The following SGPP2 variants were observed in gnomAD, a reference collection of about 807,000 sequenced individuals.
SGPP2 encodes sphingosine-1-phosphate phosphatase 2.
In SGPP2, 30 loss-of-function variants were observed where a neutral mutation model predicts 33.9. The observed-to-expected ratio is 0.89, with a 90% CI of 0.66 to 1.20. SGPP2 has a LOEUF of 1.20. Ranked by LOEUF, SGPP2 falls within the 50% of genes most tolerant of loss-of-function variation. The pLI is 0.00. For missense variants in SGPP2, 458 were observed against 532.1 expected, an observed-to-expected ratio of 0.86 and a Z score of 1.37; for synonymous variants, 233 against 225.0, an observed-to-expected ratio of 1.04 and a Z score of -0.32.
In SGPP2 at chr2:222,559,085, G is replaced by A. The variant is rs34723441; in HGVS notation, c.*187G>A. On this transcript the variant is annotated 3_prime_UTR_variant, in exon 5 of 5. Coordinates refer to ENST00000321276, the MANE Select transcript of SGPP2 (RefSeq NM_152386.4). ...AACTGTCTCATAGCGGTCATTGGTC[G>A]TCCGTGGTGGTTGGTTGTGCTACAG... 206,501 of 581,198 alleles carry A rather than the reference G, an allele frequency of 0.36. 39,103 individuals are homozygous for A. Among genetic ancestry groups the A allele is most frequent in the South Asian group, 0.48 (19,488 of 40,802 alleles). The allele number at this position is 581,198 out of a possible 1,614,324, so 36.0% of individuals were successfully genotyped here. A position where few individuals can be genotyped will look rare whatever the true frequency, so the allele number is the denominator to read the frequency against.
intron 4 of SGPP2, among the ~76,000 whole-genome samples, chr2:222,540,817 G>GTTTTTTT (rs750932260): frequency 1.8e-5 from 2 of 108,426 alleles, no homozygotes; most frequent in Admixed American, 2.2e-4. Flanking sequence ...CTTATAAACT[G>GTTTTTTT]TTTTTTTTTT....
chr2:222,448,094 C>T (rs978347438), intron 1 of SGPP2, among the ~76,000 whole-genome samples: 4 of 152,086 alleles, frequency 2.6e-5, no homozygotes, highest in African/African-American at 4.8e-5. Context: ...GGTTGGACTC[C>T]GAAGCACATG....
At position 222,559,026 on chromosome 2, in the gene SGPP2, T is replaced by C; in HGVS notation, c.*128T>C. ...AAAAGTCATACGGCTGTCTTGCTACTACCAGATAAATGATGCTGCTGTGTG... is the reference window on the plus strand; with the variant it reads ...AAAAGTCATACGGCTGTCTTGCTACCACCAGATAAATGATGCTGCTGTGTG... On this transcript the variant is annotated 3_prime_UTR_variant, in exon 5 of 5. Coordinates refer to ENST00000321276, the MANE Select transcript of SGPP2 (RefSeq NM_152386.4). 4.8e-6 allele frequency: 4 copies of C among 839,336 alleles called. No individual in the cohort carries two copies. 52.0% of individuals were successfully genotyped at this position (839,336 alleles called of 1,614,324 possible). A position where few individuals can be genotyped will look rare whatever the true frequency, so the allele number is the denominator to read the frequency against.
At chr2:222,431,511 C>T (rs984992621) in intron 1 of SGPP2, among the ~76,000 whole-genome samples, 1 of 152,008 alleles carries the variant, frequency 6.6e-6, no homozygotes, top group African/African-American at 2.4e-5. Flanking sequence ...CCCCCCGCCC[C>T]CCGCTCGAAG....
intron 4 of SGPP2, among the ~76,000 whole-genome samples, chr2:222,533,667 C>T (rs531593621): frequency 7.9e-5 from 12 of 152,202 alleles, no homozygotes; most frequent in Non-Finnish European, 1.3e-4. Flanking sequence ...GAGAGTGGGA[C>T]CCCAGGCCTT....
intron 2 of SGPP2, among the ~76,000 whole-genome samples, chr2:222,483,861 T>C (rs1175760098): frequency 6.6e-6 from 1 of 152,200 alleles, no homozygotes; most frequent in Non-Finnish European, 1.5e-5. Flanking sequence ...TTGCCCTGCT[T>C]GTTAAGTTGG....
intron 2 of SGPP2, among the ~76,000 whole-genome samples, chr2:222,480,408 T>C (rs932617398): frequency 6.6e-5 from 10 of 152,150 alleles, no homozygotes; most frequent in African/African-American, 2.4e-4. Context: ...TAATGAGATG[T>C]AGAAAAAATG....
rs200647885 is a variant in SGPP2, at chr2:222,484,583, C to A, written c.378+9857C>A. On this transcript the variant is annotated intron_variant, in intron 2 of 4. Coordinates refer to ENST00000321276, the MANE Select transcript of SGPP2 (RefSeq NM_152386.4). ...TTCATCCTTCTTCCCTCCTTTTGGA[C>A]TTATGCCAGCTGTAATGTCTTACCG... 5.9e-5 allele frequency among the ~76,000 whole-genome samples: 9 copies of A among 152,306 alleles called. No homozygotes were observed. The East Asian group carries it at 1.7e-3, about 29-fold the overall frequency.
intron 2 of SGPP2, among the ~76,000 whole-genome samples, chr2:222,495,377 G>A (rs1373355091): frequency 6.6e-6 from 1 of 152,092 alleles, no homozygotes; most frequent in Non-Finnish European, 1.5e-5. Flanking sequence ...TCATGCCACT[G>A]TACTCCAGCC....
At chr2:222,455,259 G>A (rs1424550343) in intron 1 of SGPP2, among the ~76,000 whole-genome samples, 3 of 151,848 alleles carry the variant, frequency 2.0e-5, no homozygotes, top group Non-Finnish European at 4.4e-5. Context: ...TGGGCTACAA[G>A]CTATGAAGAA....
intron 1 of SGPP2, 88 bp from the exon 2 acceptor site, chr2:222,474,480 C>A: frequency 8.3e-7 from 1 of 1,203,698 alleles, no homozygotes; most frequent in Non-Finnish European, 1.2e-6. Flanking sequence ...AGCGTCTTGG[C>A]AATTGAGACC....
At chr2:222,520,172 G>A (rs1698661625) in intron 2 of SGPP2, among the ~76,000 whole-genome samples, 1 of 152,120 alleles carries the variant, frequency 6.6e-6, no homozygotes, top group African/African-American at 2.4e-5. Context: ...AGCCTCACCA[G>A]CATCTTTTGT....
upstream of SGPP2, among the ~76,000 whole-genome samples, chr2:222,424,041 G>T (rs117596762): frequency 4.2e-3 from 638 of 152,206 alleles, 14 homozygotes; most frequent in East Asian, 0.067. Flanking sequence ...CTCCCTGGGG[G>T]GCTCGCTGTA....
intron 1 of SGPP2, among the ~76,000 whole-genome samples, chr2:222,466,225 C>T (rs1423557087): frequency 1.3e-5 from 2 of 149,558 alleles, no homozygotes; most frequent in Admixed American, 1.3e-4. Context: ...GACATGGCCC[C>T]TGTTTGGAAA....
At chr2:222,554,972 C>G (rs1274252645) in intron 4 of SGPP2, among the ~76,000 whole-genome samples, 2 of 152,168 alleles carry the variant, frequency 1.3e-5, no homozygotes, top group Non-Finnish European at 2.9e-5. Flanking sequence ...GTTGCATCAT[C>G]CTCAAGCCTC....
At chr2:222,515,619 G>A (rs527877915) in intron 2 of SGPP2, among the ~76,000 whole-genome samples, 9 of 151,578 alleles carry the variant, frequency 5.9e-5, no homozygotes, top group Non-Finnish European at 1.0e-4. Context: ...GTGAGCCACC[G>A]TGCCCAGCCT....
intron 2 of SGPP2, chr2:222,503,913 C>T (rs1698404037): frequency 6.6e-6 from 1 of 152,136 alleles, no homozygotes; most frequent in African/African-American, 2.4e-5. Context: ...TAGATCCCCC[C>T]AGTCAATTCC....
intron 2 of SGPP2, among the ~76,000 whole-genome samples, chr2:222,517,506 C>A (rs568840895): frequency 6.6e-6 from 1 of 152,312 alleles, no homozygotes; most frequent in Admixed American, 6.5e-5. Context: ...GCCACCTTCA[C>A]CACTCAATAA....
chr2:222,530,389 G>A (rs751442298), intron 4 of SGPP2, among the ~76,000 whole-genome samples: 27 of 152,332 alleles, frequency 1.8e-4, no homozygotes, highest in Admixed American at 8.5e-4. Flanking sequence ...ACATTAAAAC[G>A]CTGTTGTGTA....
Sources: gnomAD v4.1 joint callset for allele counts (sites outside exome capture counted in the v4.1 genomes callset) on GRCh38, gnomAD v4.1.1 for gene constraint, MANE v1.5 for transcripts, NCBI Gene and HGNC (gene_info 2026-07-23, HGNC 2026-07-21) for gene names.